Variants in MCM3AP observed in about 807,000 individuals in gnomAD.
MCM3AP encodes the protein germinal-center associated nuclear protein.
A neutral mutation model predicts 184.1 loss-of-function variants in MCM3AP; 126 were observed. The observed-to-expected ratio is 0.68, with a 90% CI of 0.59 to 0.79. The LOEUF is 0.79. MCM3AP is among the 30% of genes least tolerant of loss of function. MCM3AP has a pLI of 0.00. For synonymous variants in MCM3AP, 1,002 were observed against 979.3 expected, an observed-to-expected ratio of 1.02 and a Z score of -0.43; for missense variants, 2,496 against 2,479.2, an observed-to-expected ratio of 1.01 and a Z score of -0.14.
chr21:46,270,657 G>GTGA (rs2081167201), intron 8 of MCM3AP, 94 bp from the exon 9 acceptor site: 1 of 1,148,586 alleles, frequency 8.7e-7, no homozygotes. Context: ...AGATTTCACT[G>GTGA]GCCAGATGCA....
In MCM3AP at chr21:46,285,340, G is replaced by A; in HGVS notation, c.-54C>T. 5.4e-6 allele frequency: 7 copies of A among 1,302,424 alleles called. No individual in the cohort carries two copies. Among genetic ancestry groups the A allele is most frequent in the Non-Finnish European group, 7.6e-6 (7 of 915,380 alleles). 80.7% of individuals were successfully genotyped at this position (1,302,424 alleles called of 1,614,324 possible). A position where few individuals can be genotyped will look rare whatever the true frequency, so the allele number is the denominator to read the frequency against. On this transcript the variant is annotated 5_prime_UTR_variant, in exon 1 of 28. Coordinates refer to ENST00000291688, the MANE Select transcript of MCM3AP (RefSeq NM_003906.5). Reference sequence around the variant, plus strand: ...AAGTATTATGTGTACAAAATTAATTGGCTTCCTGAAACAGCCTGTAGCACT... The same window carrying A: ...AAGTATTATGTGTACAAAATTAATTAGCTTCCTGAAACAGCCTGTAGCACT...
rs749086650 is a variant in MCM3AP at position 46,265,494 on chromosome 21, C to T, written c.3061G>A (p.Glu1021Lys). 1 of 1,609,206 alleles carries T rather than the reference C, an allele frequency of 6.2e-7. No homozygotes were observed. Among genetic ancestry groups the T allele is most frequent in the Non-Finnish European group, 8.5e-7 (1 of 1,177,328 alleles). The change falls in exon 12 of 28, where the codon GAG (glutamate) becomes AAG (lysine). Residue 1021 changes from glutamate to lysine, a missense_variant. Around this residue, in one of 5 missense-constraint regions of MCM3AP, gnomAD observed 1,323 missense variants for 1,273.4 expected, o/e 1.04. Transcript: ENST00000291688. ...GGGRGEECGV[E>K]PDAPLSSLPQ... ...AGACTGGACAGGGGTGCATCCGGCTCTACACCACACTCCTCTCCTCTCCCT... is the reference window on the plus strand; with the variant it reads ...AGACTGGACAGGGGTGCATCCGGCTTTACACCACACTCCTCTCCTCTCCCT...
intron 9 of MCM3AP, 124 bp downstream of exon 9, chr21:46,270,277 G>A (rs541772180): frequency 2.2e-4 from 195 of 895,534 alleles, no homozygotes; most frequent in Non-Finnish European, 1.4e-4. Flanking sequence ...TCGTGGGGCT[G>A]CTGCAAGGGT....
chr21:46,256,545 C>T (rs2080952121), intron 17 of MCM3AP: 5 of 552,208 alleles, frequency 9.1e-6, no homozygotes, highest in Non-Finnish European at 1.3e-5. Context: ...GGCACCAGGA[C>T]GCTGAGTCTT....
intron 19 of MCM3AP, chr21:46,253,624 A>C: frequency 1.4e-5 from 2 of 145,040 alleles, no homozygotes; most frequent in African/African-American, 2.6e-5. Context: ...GTGTGTGACA[A>C]CTCCCCTTCG....
chr21:46,235,357 G>T lies in MCM3AP; in HGVS notation c.5854C>A (p.His1952Asn), dbSNP rs1190629950. The change falls in exon 28 of 28, where the codon CAC (histidine) becomes AAC (asparagine). Residue 1952 changes from histidine to asparagine, a missense_variant. His to Asn is a moderately conservative substitution (Grantham distance 68). Around this residue, in one of 5 missense-constraint regions of MCM3AP, gnomAD observed 1,323 missense variants for 1,273.4 expected, o/e 1.04. Coordinates refer to ENST00000291688, the MANE Select transcript of MCM3AP (RefSeq NM_003906.5). Reference sequence around the variant, plus strand: ...GAACTCCGGATCAGCCTTTCCAGGTGCTTTAGTCGTTCGCCTAGACACGTT... The same window carrying T: ...GAACTCCGGATCAGCCTTTCCAGGTTCTTTAGTCGTTCGCCTAGACACGTT... ...TGTCLGERLK[H>N]LERLIRSSRE... 1 of 1,613,988 alleles carries T rather than the reference G, an allele frequency of 6.2e-7. No homozygotes were observed. Among genetic ancestry groups the T allele is most frequent in the Non-Finnish European group, 8.5e-7 (1 of 1,180,000 alleles).
chr21:46,282,989 G>A (rs938003755), intron 2 of MCM3AP, among the ~76,000 whole-genome samples: 25 of 151,102 alleles, frequency 1.7e-4, no homozygotes, highest in African/African-American at 6.1e-4. Context: ...GCAGTGGCAC[G>A]AACTCGGCTC....
chr21:46,241,409 G>C (rs2080663138), intron 25 of MCM3AP: 1 of 167,348 alleles, frequency 6.0e-6, no homozygotes, highest in Non-Finnish European at 1.3e-5. Context: ...GATAGCTCTT[G>C]GATACATTTG....
intron 9 of MCM3AP, chr21:46,268,205 A>G (rs1258689395): frequency 6.6e-6 from 1 of 152,216 alleles, no homozygotes; most frequent in Admixed American, 6.5e-5. Context: ...TCAAAAAAAT[A>G]AATAAATAAA....
intron 22 of MCM3AP, 34 bp downstream of exon 22, chr21:46,246,273 T>C (rs2080767033): frequency 7.4e-7 from 1 of 1,351,702 alleles, no homozygotes; most frequent in South Asian, 1.2e-5. Flanking sequence ...AAACAAAATA[T>C]CTTGACAGAC....
chr21:46,248,376 A>G (rs1047995357), intron 20 of MCM3AP, among the ~76,000 whole-genome samples: 2 of 152,240 alleles, frequency 1.3e-5, no homozygotes, highest in Non-Finnish European at 2.9e-5. Context: ...CCCAGAAAGC[A>G]GATGGCACAA....
intron 12 of MCM3AP, 122 bp from the exon 13 acceptor site, chr21:46,264,339 G>A: frequency 1.6e-6 from 1 of 624,558 alleles, no homozygotes; most frequent in Non-Finnish European, 2.8e-6. Flanking sequence ...CCTGACACGG[G>A]GTCGGCTAGG....
At position 46,236,840 on chromosome 21, in the gene MCM3AP, T is replaced by C. The variant is rs777406230; in HGVS notation, c.5773A>G (p.Thr1925Ala). 8.4e-6 allele frequency: 13 copies of C among 1,554,452 alleles called. No individual in the cohort carries two copies. Among genetic ancestry groups the C allele is most frequent in the Non-Finnish European group, 9.5e-6 (11 of 1,157,880 alleles). Residue 1925 changes from threonine to alanine, a missense_variant, in exon 27 of 28, where the codon ACT (threonine) becomes GCT (alanine). Thr to Ala is a moderately conservative substitution (Grantham distance 58). Around this residue, in one of 5 missense-constraint regions of MCM3AP, gnomAD observed 1,323 missense variants for 1,273.4 expected, o/e 1.04. Coordinates refer to ENST00000291688, the MANE Select transcript of MCM3AP (RefSeq NM_003906.5). The part of the protein sequence containing the change: ...IEPVMKTSVT[T>A]SPQSDMMREQ... ...TACGTTCTTCTCACCTGTGGGCTAG[T>C]AGTTACAGATGTTTTCATCACAGGT...
chr21:46,254,270 A>G, intron 19 of MCM3AP, 122 bp downstream of exon 19: 2 of 1,036,296 alleles, frequency 1.9e-6, no homozygotes, highest in East Asian at 4.8e-5. Context: ...TCCAAGCATT[A>G]AAACATAAAC....
intron 20 of MCM3AP, chr21:46,247,209 C>T (rs1324970852): frequency 3.8e-6 from 1 of 260,466 alleles, no homozygotes; most frequent in Non-Finnish European, 7.4e-6. Flanking sequence ...CTGGTTCAGC[C>T]TCCTGAGTAG....
At chr21:46,264,670 C>G (rs1031285217) in intron 12 of MCM3AP, among the ~76,000 whole-genome samples, 2 of 152,168 alleles carry the variant, frequency 1.3e-5, no homozygotes, top group Non-Finnish European at 2.9e-5. Flanking sequence ...CATCCACCCC[C>G]AGGCCAGGCT....
intron 14 of MCM3AP, 90 bp from the exon 15 acceptor site, chr21:46,260,996 T>A: frequency 9.3e-7 from 1 of 1,075,732 alleles, no homozygotes; most frequent in South Asian, 1.3e-5. Flanking sequence ...CAGACAGGGA[T>A]TGAGGTGTGC....
chr21:46,258,477 A>T (rs1335363496), intron 16 of MCM3AP, among the ~76,000 whole-genome samples: 1 of 152,208 alleles, frequency 6.6e-6, no homozygotes, highest in Non-Finnish European at 1.5e-5. Flanking sequence ...TTAGGGTTAT[A>T]CCACTATATA....
chr21:46,278,957 G>GC (rs35710995), intron 4 of MCM3AP, among the ~76,000 whole-genome samples: 148,378 of 148,382 alleles, frequency 1, 74,187 homozygotes, highest in Middle Eastern at 1. Context: ...ACAGGCGTGA[G>GC]CACTGCGCCC....
Sources: gnomAD v4.1 joint callset for allele counts (sites outside exome capture counted in the v4.1 genomes callset) on GRCh38, gnomAD v4.1.1 for gene constraint, gnomAD v4.1.1 regional missense constraint, MANE v1.5 for transcripts, NCBI Gene and HGNC (gene_info 2026-07-23, HGNC 2026-07-21) for gene names.